GAL: variants seen among roughly 807,000 people sequenced by gnomAD.
GAL encodes the protein galanin and GMAP prepropeptide.
Under a neutral mutation model 15.8 loss-of-function variants are expected in GAL, and 14 were observed. The ratio of observed to expected loss-of-function variants is 0.89; its 90% CI spans 0.59 to 1.39. GAL has a LOEUF of 1.39. GAL is among the 40% of genes most tolerant of loss of function. The probability of loss-of-function intolerance (pLI) is 0.00; values close to 1 mark genes in which losing one functional copy is unlikely to be tolerated. For synonymous variants in GAL, 79 were observed against 73.8 expected, an observed-to-expected ratio of 1.07 and a Z score of -0.36; for missense variants, 176 against 170.4, an observed-to-expected ratio of 1.03 and a Z score of -0.18.
At chr11:68,687,358 G>A (rs527936173) in intron 3 of GAL, among the ~76,000 whole-genome samples, 2 of 151,904 alleles carry the variant, frequency 1.3e-5, no homozygotes, top group South Asian at 4.2e-4. Flanking sequence ...TTCTTCCCTG[G>A]AATTCTGGGA....
chr11:68,690,755 A>T (rs1240330869), intron 5 of GAL, among the ~76,000 whole-genome samples, 162 bp from the exon 6 acceptor site: 6 of 152,212 alleles, frequency 3.9e-5, no homozygotes, highest in African/African-American at 1.4e-4. Flanking sequence ...AATCATTACG[A>T]AGTGAGGAAT....
At chr11:68,687,006 G>A (rs1041001385) in intron 3 of GAL, among the ~76,000 whole-genome samples, 2 of 152,182 alleles carry the variant, frequency 1.3e-5, no homozygotes, top group Non-Finnish European at 2.9e-5. Context: ...ACTTAAAAAT[G>A]TGCCTTTGAT....
Position 68,688,101 on chromosome 11 carries a change from G to T in GAL, c.223+1G>T, listed in dbSNP as rs763227956. The stretch of plus-strand genomic sequence containing the variant: ...CGGCCCGAAGATGACATGAAACCAG[G>T]TGAGAGGACTCCTATCCCGGGCCCC... On this transcript the variant is annotated splice_donor_variant, in intron 4 of 5. Coordinates refer to ENST00000265643, the MANE Select transcript of GAL (RefSeq NM_015973.5). LOFTEE classifies it high-confidence loss of function. The T allele has an allele frequency of 2.5e-6, 4 of 1,596,572 alleles. No individual in the cohort carries two copies. The East Asian group carries it at 6.7e-5, about 27-fold the overall frequency.
At chr11:68,689,494 T>C (rs1945886111) in intron 5 of GAL, among the ~76,000 whole-genome samples, 1 of 152,092 alleles carries the variant, frequency 6.6e-6, no homozygotes, top group African/African-American at 2.4e-5. Flanking sequence ...CCTCCTGGGC[T>C]CAAGTGATTC....
At chr11:68,688,807 A>G (rs1399905551) in intron 4 of GAL, 42 bp from the exon 5 acceptor site, 1 of 956,648 alleles carries the variant, frequency 1.0e-6, no homozygotes, top group Non-Finnish European at 1.7e-6. Flanking sequence ...ACACTGAAGC[A>G]CCCTCTGCAC....
In GAL at chr11:68,688,088, G is replaced by A. The variant is rs532084180; in HGVS notation, c.211G>A (p.Asp71Asn). 3.1e-6 allele frequency: 5 copies of A among 1,609,102 alleles called. No individual in the cohort carries two copies. The East Asian group carries it at 8.9e-5, about 29-fold the overall frequency. Residue 71 changes from aspartate (D) to asparagine (N), a missense_variant, in exon 4 of 6, where the codon GAC becomes AAC. By Grantham distance (23) the Asp-to-Asn change is conservative. Coordinates refer to ENST00000265643, the MANE Select transcript of GAL (RefSeq NM_015973.5). ...TSKRELRPEDDMKPGSFDRSI... is the reference protein window; with the variant it reads ...TSKRELRPEDNMKPGSFDRSI... ...CAAGCGGGAGCTGCGGCCCGAAGAT[G>A]ACATGAAACCAGGTGAGAGGACTCC...
intron 5 of GAL, among the ~76,000 whole-genome samples, chr11:68,689,314 T>C (rs1220290233): frequency 6.6e-6 from 1 of 152,158 alleles, no homozygotes; most frequent in African/African-American, 2.4e-5. Context: ...TCTTTTCTTT[T>C]TTCTCTGTCT....
rs768058377 is a variant in GAL, at chr11:68,688,077, G to A, written c.200G>A (p.Arg67Gln). Residue 67 changes from arginine to glutamine, a missense_variant, in exon 4 of 6, where the codon CGG becomes CAG. Transcript: ENST00000265643. ...KNGLTSKREL[R>Q]PEDDMKPGSF... ...GGCCTCACCAGCAAGCGGGAGCTGC[G>A]GCCCGAAGATGACATGAAACCAGGT... The A allele has an allele frequency of 5.6e-6, 9 of 1,611,694 alleles. No individual in the cohort carries two copies. The highest frequency in any genetic ancestry group is 1.1e-5 in the South Asian group (1 of 91,008).
Position 68,691,095 on chromosome 11 carries a change from G to T in GAL, c.*108G>T. On this transcript the variant is annotated 3_prime_UTR_variant, in exon 6 of 6. Coordinates refer to ENST00000265643, the MANE Select transcript of GAL (RefSeq NM_015973.5). ...AGAGTCAGCCATTCCTGTTCTCTTTGCCTTGATGTTGTGTTGTTATCATTT... is the reference window on the plus strand; with the variant it reads ...AGAGTCAGCCATTCCTGTTCTCTTTTCCTTGATGTTGTGTTGTTATCATTT... 2.8e-6 allele frequency: 2 copies of T among 724,348 alleles called. No individual in the cohort carries two copies. Among genetic ancestry groups the T allele is most frequent in the Admixed American group, 2.1e-5 (1 of 48,772 alleles). The allele number at this position is 724,348 out of a possible 1,614,324, so 44.9% of individuals were successfully genotyped here.
intron 3 of GAL, among the ~76,000 whole-genome samples, chr11:68,687,193 C>A (rs1945861724): frequency 6.6e-6 from 1 of 152,144 alleles, no homozygotes; most frequent in Non-Finnish European, 1.5e-5. Flanking sequence ...TTTGTCTGGC[C>A]TTGTAGATGG....
Position 68,684,819 on chromosome 11 carries a change from T to C in GAL, c.-1+87T>C, listed in dbSNP as rs555526342. The C allele has an allele frequency of 2.9e-3, 1,966 of 688,056 alleles. 27 individuals are homozygous for C. In the African/African-American group the frequency reaches 0.032, roughly 11 times the overall value. The allele number at this position is 688,056 out of a possible 1,614,324, so 42.6% of individuals were successfully genotyped here. Reference sequence around the variant, plus strand: ...CCCAGGGACGGTTCTGCCAGGGCCCTGGCCCGGCCGCCGCCTCTGCTCCTC... The same window carrying C: ...CCCAGGGACGGTTCTGCCAGGGCCCCGGCCCGGCCGCCGCCTCTGCTCCTC... On this transcript the variant is annotated intron_variant, in intron 1 of 5. Coordinates refer to ENST00000265643, the MANE Select transcript of GAL (RefSeq NM_015973.5).
chr11:68,688,755 T>C, intron 4 of GAL, 94 bp from the exon 5 acceptor site: 1 of 713,028 alleles, frequency 1.4e-6, no homozygotes, highest in Admixed American at 2.0e-5. Flanking sequence ...ATCATTGACC[T>C]TGCAGCGCCC....
intron 5 of GAL, 67 bp from the exon 6 acceptor site, chr11:68,690,850 C>G (rs956496448): frequency 3.0e-6 from 3 of 1,000,246 alleles, no homozygotes; most frequent in Non-Finnish European, 4.8e-6. Context: ...TAGCATGTGT[C>G]GTGGTTGTAA....
In GAL at chr11:68,684,562, G is replaced by T. The variant is rs1393505689; in HGVS notation, c.-171G>T. 1 of 183,260 alleles carries T rather than the reference G, an allele frequency of 5.5e-6. No individual in the cohort carries two copies. The highest frequency in any genetic ancestry group is 1.1e-5 in the Non-Finnish European group (1 of 88,680). 11.4% of individuals were successfully genotyped at this position (183,260 alleles called of 1,614,324 possible). A position where few individuals can be genotyped will look rare whatever the true frequency, so the allele number is the denominator to read the frequency against. On this transcript the variant is annotated 5_prime_UTR_variant, in exon 1 of 6. Transcript: ENST00000265643. ...GGCGGCCACACCGGGCGGCGGACAC[G>T]TGGAGGGACCCGGCCCGCGCCTTCT... is the stretch of plus-strand genomic sequence containing the variant.
At chr11:68,690,593 G>T (rs952832933) in intron 5 of GAL, among the ~76,000 whole-genome samples, 1 of 152,172 alleles carries the variant, frequency 6.6e-6, no homozygotes, top group African/African-American at 2.4e-5. Context: ...GACTCTGCTA[G>T]ATTTTTGTTT....
intron 3 of GAL, among the ~76,000 whole-genome samples, chr11:68,686,526 C>T (rs1169525210): frequency 6.6e-6 from 1 of 152,226 alleles, no homozygotes; most frequent in Non-Finnish European, 1.5e-5. Flanking sequence ...TGACTTAGTT[C>T]TCAGTCCCAG....
Position 68,688,942 on chromosome 11 carries a change from T to C in GAL, c.301+16T>C, listed in dbSNP as rs3136540. On this transcript the variant is annotated intron_variant, in intron 5 of 5. Coordinates refer to ENST00000265643, the MANE Select transcript of GAL (RefSeq NM_015973.5). Reference sequence around the variant, plus strand: ...CATCTCAAAGGTATGTGAAATATCATCAACTTAACATTCATCTCTTAGTAC... The same window carrying C: ...CATCTCAAAGGTATGTGAAATATCACCAACTTAACATTCATCTCTTAGTAC... 889,338 of 1,207,036 alleles carry C rather than the reference T, an allele frequency of 0.74. 330,269 individuals carry two copies. Among genetic ancestry groups the C allele is most frequent in the East Asian group, 0.85 (36,465 of 43,064 alleles). 74.8% of individuals were successfully genotyped at this position (1,207,036 alleles called of 1,614,324 possible).
chr11:68,688,252 G>A (rs149929077), intron 4 of GAL, 152 bp downstream of exon 4: 51 of 622,702 alleles, frequency 8.2e-5, no homozygotes, highest in African/African-American at 7.7e-4. Context: ...CGCCACACCT[G>A]TCAGCAGCTG....
At chr11:68,687,939 G>A in intron 3 of GAL, 75 bp from the exon 4 acceptor site, 2 of 896,876 alleles carry the variant, frequency 2.2e-6, no homozygotes, top group South Asian at 2.7e-5. Flanking sequence ...AGGCAGCCCT[G>A]TGTCCTTCTT....
Sources: allele counts gnomAD v4.1 joint callset (sites outside exome capture counted in the v4.1 genomes callset), GRCh38; gene constraint gnomAD v4.1.1; transcripts MANE v1.5; gene names NCBI Gene and HGNC (gene_info 2026-07-23, HGNC 2026-07-21).